The following PGAP3 variants were observed in gnomAD, a reference collection of about 807,000 sequenced individuals.
PGAP3 encodes GPI-specific phospholipase A2-like PGAP3.
A neutral mutation model predicts 40.3 loss-of-function variants in PGAP3; 31 were observed. The observed-to-expected ratio is 0.77, with a 90% CI of 0.58 to 1.04. PGAP3 has a LOEUF of 1.04. Ranked by LOEUF, PGAP3 falls within the 50% of genes least tolerant of loss-of-function variation. The probability of loss-of-function intolerance (pLI) is 0.00; values close to 1 mark genes in which losing one functional copy is unlikely to be tolerated. For synonymous variants in PGAP3, 191 were observed against 184.5 expected, an observed-to-expected ratio of 1.04 and a Z score of -0.29; for missense variants, 413 against 423.0, an observed-to-expected ratio of 0.98 and a Z score of 0.21.
At chr17:39,679,501 C>T (rs570027753) in intron 3 of PGAP3, among the ~76,000 whole-genome samples, 33 of 152,302 alleles carry the variant, frequency 2.2e-4, no homozygotes, top group African/African-American at 7.7e-4. Flanking sequence ...GTCCCATGCT[C>T]TCTAGTAGAG....
intron 2 of PGAP3, among the ~76,000 whole-genome samples, chr17:39,685,600 A>C (rs2057501075): frequency 6.6e-6 from 1 of 152,210 alleles, no homozygotes; most frequent in African/African-American, 2.4e-5. Context: ...CTACTGGAGA[A>C]GCAACAGGAA....
In PGAP3 at chr17:39,673,570, T is replaced by C. The variant is rs1597812560; in HGVS notation, c.638A>G (p.Tyr213Cys). 6.2e-7 allele frequency: 1 copy of C among 1,613,812 alleles called. No homozygotes were observed. Among genetic ancestry groups the C allele is most frequent in the Admixed American group, 1.7e-5 (1 of 59,984 alleles). Residue 213 changes from tyrosine to cysteine, a missense_variant, in exon 6 of 8, where the codon TAC becomes TGC. By Grantham distance (194) the Tyr-to-Cys change is radical. Coordinates refer to ENST00000300658, the MANE Select transcript of PGAP3 (RefSeq NM_033419.5). Reference sequence around the variant, plus strand: ...ATAGTCGAAGCGGATGAGGCTCAGGTAGGAGACGTGCACGGTCAGCATGAG... The same window carrying C: ...ATAGTCGAAGCGGATGAGGCTCAGGCAGGAGACGTGCACGGTCAGCATGAG... Reference protein sequence around the residue: ...LLLMLTVHVSYLSLIRFDYGY... With the variant: ...LLLMLTVHVSCLSLIRFDYGY...
chr17:39,679,409 C>T (rs2057412973), intron 3 of PGAP3, among the ~76,000 whole-genome samples: 2 of 152,182 alleles, frequency 1.3e-5, no homozygotes, highest in Non-Finnish European at 2.9e-5. Context: ...GACCCCTGGC[C>T]TCTGGCACAT....
chr17:39,672,399 C>T lies in PGAP3; in HGVS notation c.*404G>A. 4.1e-6 allele frequency: 1 copy of T among 244,654 alleles called. No homozygotes were observed. Among genetic ancestry groups the T allele is most frequent in the Admixed American group, 5.0e-5 (1 of 19,832 alleles). 15.2% of individuals were successfully genotyped at this position (244,654 alleles called of 1,614,324 possible). On this transcript the variant is annotated 3_prime_UTR_variant, in exon 8 of 8. Transcript: ENST00000300658. Reference sequence around the variant, plus strand: ...GGGGGGTGGTAACAGAAGGGGACCCCCTGTATCCCTAAGGCCTGTGGTCCC... The same window carrying T: ...GGGGGGTGGTAACAGAAGGGGACCCTCTGTATCCCTAAGGCCTGTGGTCCC...
chr17:39,675,083 G>C (rs982176401), intron 3 of PGAP3, among the ~76,000 whole-genome samples: 1 of 151,888 alleles, frequency 6.6e-6, no homozygotes, highest in Non-Finnish European at 1.5e-5. Context: ...CTCAGCCTCT[G>C]GGGGCGGGAA....
chr17:39,686,181 G>A (rs938719726), intron 1 of PGAP3, among the ~76,000 whole-genome samples, 162 bp from the exon 2 acceptor site: 1 of 152,212 alleles, frequency 6.6e-6, no homozygotes, highest in Non-Finnish European at 1.5e-5. Context: ...AATGAGAGAT[G>A]ATGAGATGTA....
intron 2 of PGAP3, 93 bp downstream of exon 2, chr17:39,685,829 T>TG: frequency 8.7e-7 from 1 of 1,146,328 alleles, no homozygotes; most frequent in Non-Finnish European, 1.3e-6. Context: ...CATTACCCCA[T>TG]GCCTCAGACT....
intron 3 of PGAP3, among the ~76,000 whole-genome samples, chr17:39,683,949 A>AC (rs1403507852): frequency 6.6e-6 from 1 of 151,602 alleles, no homozygotes; most frequent in Non-Finnish European, 1.5e-5. Context: ...ACATGGAGAA[A>AC]CCCCGTCTCT....
At chr17:39,686,129 G>C (rs1597828326) in intron 1 of PGAP3, 110 bp from the exon 2 acceptor site, 1 of 858,052 alleles carries the variant, frequency 1.2e-6, no homozygotes, top group East Asian at 2.8e-5. Flanking sequence ...AAGTTGGAGA[G>C]AACCAGGAGA....
intron 1 of PGAP3, among the ~76,000 whole-genome samples, 174 bp downstream of exon 1, chr17:39,687,660 G>C (rs1028525071): frequency 6.6e-6 from 1 of 152,150 alleles, no homozygotes; most frequent in African/African-American, 2.4e-5. Context: ...GTAAATGAAA[G>C]CTTCTGGGAA....
At chr17:39,682,752 A>G (rs2057458332) in intron 3 of PGAP3, among the ~76,000 whole-genome samples, 1 of 152,144 alleles carries the variant, frequency 6.6e-6, no homozygotes, top group Non-Finnish European at 1.5e-5. Context: ...AAATCTATTC[A>G]TGAAACAACT....
chr17:39,673,308 A>C, intron 6 of PGAP3, 53 bp from the exon 7 acceptor site: 1 of 1,557,502 alleles, frequency 6.4e-7, no homozygotes. Flanking sequence ...CTTCTCCCCA[A>C]GGCCACCCCC....
rs765602922 is a variant in PGAP3 at position 39,674,105 on chromosome 17, G to C, written c.496-51C>G. On this transcript the variant is annotated intron_variant, in intron 4 of 7. Coordinates refer to ENST00000300658, the MANE Select transcript of PGAP3 (RefSeq NM_033419.5). ...GACCAGCATGAGGCTTCACGGAGAGGACCCGCGGGGATGGGGGCATGGAGG... is the reference window on the plus strand; with the variant it reads ...GACCAGCATGAGGCTTCACGGAGAGCACCCGCGGGGATGGGGGCATGGAGG... 12 of 1,570,216 alleles carry C rather than the reference G, an allele frequency of 7.6e-6. No individual in the cohort carries two copies. The Admixed American group carries it at 2.0e-4, about 26-fold the overall frequency.
At chr17:39,673,881 G>C in intron 5 of PGAP3, 112 bp downstream of exon 5, 1 of 1,347,104 alleles carries the variant, frequency 7.4e-7, no homozygotes, top group Non-Finnish European at 1.0e-6. Context: ...TTGGGGGTTG[G>C]GGGGCGTAGG....
chr17:39,673,671 G>A (rs2057339062), intron 5 of PGAP3, 21 bp from the exon 6 acceptor site: 1 of 1,611,856 alleles, frequency 6.2e-7, no homozygotes, highest in Non-Finnish European at 8.5e-7. Flanking sequence ...GTCCAGGGTT[G>A]CTCAGAGGGC....
At chr17:39,684,475 C>A in intron 3 of PGAP3, 122 bp downstream of exon 3, 3 of 1,269,986 alleles carry the variant, frequency 2.4e-6, no homozygotes, top group Non-Finnish European at 3.2e-6. Flanking sequence ...GCAGCTGCAA[C>A]TTTAGCCCTG....
intron 1 of PGAP3, among the ~76,000 whole-genome samples, chr17:39,686,674 C>T (rs2057538127): frequency 6.6e-6 from 1 of 151,848 alleles, no homozygotes; most frequent in African/African-American, 2.4e-5. Flanking sequence ...ATCCTCCCAC[C>T]TCAGCCTCCC....
intron 3 of PGAP3, among the ~76,000 whole-genome samples, chr17:39,680,840 C>T (rs1465939518): frequency 6.6e-6 from 1 of 152,134 alleles, no homozygotes; most frequent in Non-Finnish European, 1.5e-5. Context: ...CTCATCCACA[C>T]CCACAGCTTC....
intron 5 of PGAP3, 76 bp from the exon 6 acceptor site, chr17:39,673,726 C>T (rs899986533): frequency 3.8e-6 from 6 of 1,578,152 alleles, no homozygotes; most frequent in Non-Finnish European, 4.3e-6. Context: ...CATCTCCTCC[C>T]CCCAACATTG....
Sources: allele counts gnomAD v4.1 joint callset (sites outside exome capture counted in the v4.1 genomes callset), GRCh38; gene constraint gnomAD v4.1.1; transcripts MANE v1.5; gene names NCBI Gene and HGNC (gene_info 2026-07-23, HGNC 2026-07-21).